PHTF2: variants seen among roughly 807,000 people sequenced by gnomAD.
The protein encoded by PHTF2 is putative homeodomain transcription factor 2.
Under a neutral mutation model 101.2 loss-of-function variants are expected in PHTF2, and 60 were observed. The ratio of observed to expected loss-of-function variants is 0.59; its 90% CI spans 0.48 to 0.73. PHTF2 has a LOEUF of 0.73. Ranked by LOEUF, PHTF2 falls within the 30% of genes least tolerant of loss-of-function variation. The pLI, the probability that PHTF2 is intolerant of heterozygous loss-of-function variation, is 0.00. For synonymous variants in PHTF2, 311 were observed against 307.3 expected (o/e 1.01, Z -0.13); for missense variants, 747 against 908.7 (o/e 0.82, Z 2.29).
At chr7:77,892,063 G>C (rs377735782) in intron 3 of PHTF2, among the ~76,000 whole-genome samples, 1 of 152,198 alleles carries the variant, frequency 6.6e-6, no homozygotes. Flanking sequence ...GGATCACGAG[G>C]TCAGGAGATC....
chr7:77,905,903 A>G (rs891734542), intron 7 of PHTF2, among the ~76,000 whole-genome samples: 5 of 152,246 alleles, frequency 3.3e-5, no homozygotes, highest in African/African-American at 1.2e-4. Flanking sequence ...CTCTAGCAGC[A>G]CTGTCTAGTT....
intron 12 of PHTF2, among the ~76,000 whole-genome samples, chr7:77,929,947 ATT>A (rs761290166): frequency 4.9e-5 from 6 of 122,134 alleles, no homozygotes; most frequent in Admixed American, 8.4e-5. Flanking sequence ...GACTAGCCAC[ATT>A]TTTTTTTTTT....
intron 3 of PHTF2, among the ~76,000 whole-genome samples, chr7:77,870,759 A>G (rs1257135843): frequency 6.6e-6 from 1 of 152,210 alleles, no homozygotes; most frequent in Non-Finnish European, 1.5e-5. Context: ...GAGATCATAT[A>G]TAATCTTCAA....
At chr7:77,836,246 G>A (rs539498083) in intron 1 of PHTF2, among the ~76,000 whole-genome samples, 1 of 152,106 alleles carries the variant, frequency 6.6e-6, no homozygotes, top group Non-Finnish European at 1.5e-5. Context: ...TGAAGAAGAG[G>A]AGGGGTTGGT....
intron 12 of PHTF2, 32 bp downstream of exon 11, chr7:77,929,359 A>G: frequency 9.3e-7 from 1 of 1,076,558 alleles, no homozygotes; most frequent in Non-Finnish European, 1.4e-6. Context: ...ATGTGGAGCT[A>G]TGAGTCAAGC....
At chr7:77,951,164 A>G (rs1355312437) in intron 17 of PHTF2, among the ~76,000 whole-genome samples, 1 of 152,190 alleles carries the variant, frequency 6.6e-6, no homozygotes, top group Non-Finnish European at 1.5e-5. Flanking sequence ...TAAAACAACA[A>G]GGCATTGTGA....
chr7:77,856,359 A>G lies in PHTF2; in HGVS notation c.147+1525A>G, dbSNP rs944031299. 3.3e-5 allele frequency among the ~76,000 whole-genome samples: 5 copies of G among 152,014 alleles called. No homozygotes were observed. In the East Asian group the frequency reaches 7.7e-4, roughly 23 times the overall value. On this transcript the variant is annotated intron_variant, in intron 3 of 19. Transcript: ENST00000416283. ...AATTTTTAAAAATTTTTACTTATTTATTTATTTATTTTTAGAGACAGTGCC... is the reference window on the plus strand; with the variant it reads ...AATTTTTAAAAATTTTTACTTATTTGTTTATTTATTTTTAGAGACAGTGCC...
At chr7:77,801,186 A>G (rs1584327641) in intron 1 of PHTF2, among the ~76,000 whole-genome samples, 1 of 152,238 alleles carries the variant, frequency 6.6e-6, no homozygotes, top group East Asian at 1.9e-4. Context: ...ACGATAATAC[A>G]ATATATACAG....
chr7:77,844,708 A>G (rs564077910), intron 2 of PHTF2, among the ~76,000 whole-genome samples: 2 of 152,100 alleles, frequency 1.3e-5, no homozygotes, highest in Middle Eastern at 3.4e-3. Context: ...TATTTTTAGT[A>G]GTGATGAGGT....
At chr7:77,884,841 G>T (rs1799693090) in intron 3 of PHTF2, among the ~76,000 whole-genome samples, 2 of 152,216 alleles carry the variant, frequency 1.3e-5, no homozygotes, top group Admixed American at 1.3e-4. Context: ...AGAGATTGCA[G>T]TGAGCCAAGA....
intron 9 of PHTF2, among the ~76,000 whole-genome samples, chr7:77,916,672 C>A (rs1308780655): frequency 2.0e-5 from 3 of 152,112 alleles, no homozygotes; most frequent in Admixed American, 2.0e-4. Flanking sequence ...ATACCAACCT[C>A]TGAGGATGCT....
rs34210135 is a variant in PHTF2 at position 77,941,563 on chromosome 7, G to A, written c.1872+904G>A. On this transcript the variant is annotated intron_variant, in intron 15 of 19. Coordinates refer to ENST00000416283, the Ensembl canonical transcript of PHTF2. ...GAGATGAAAGCCCCTACCCTCATAC[G>A]TAAGCTTATACTTCAGTGAGGGAAT... Among the ~76,000 whole-genome samples, 680 of 152,238 alleles carry A rather than the reference G, an allele frequency of 4.5e-3. 4 individuals carry two copies. The highest frequency in any genetic ancestry group is 6.6e-3 in the Non-Finnish European group (448 of 68,014).
At chr7:77,859,865 A>G (rs1397752037) in intron 3 of PHTF2, among the ~76,000 whole-genome samples, 4 of 152,194 alleles carry the variant, frequency 2.6e-5, no homozygotes, top group South Asian at 2.1e-4. Context: ...GTGAGCCACC[A>G]TGCCTGGTAC....
intron 3 of PHTF2, among the ~76,000 whole-genome samples, chr7:77,873,836 C>T (rs913586716): frequency 3.9e-5 from 6 of 152,150 alleles, no homozygotes; most frequent in Non-Finnish European, 8.8e-5. Flanking sequence ...AGACACCTGG[C>T]GACGCTGTGC....
intron 8 of PHTF2, 180 bp downstream of exon 7, chr7:77,909,138 A>G (rs1385722314): frequency 4.2e-6 from 2 of 472,288 alleles, no homozygotes; most frequent in East Asian, 3.4e-5. Flanking sequence ...CTTCAAGGCC[A>G]TTTTAAGACC....
At chr7:77,837,541 A>G (rs186155851) in intron 1 of PHTF2, among the ~76,000 whole-genome samples, 3 of 152,230 alleles carry the variant, frequency 2.0e-5, no homozygotes, top group Admixed American at 2.0e-4. Flanking sequence ...AAAAACTATT[A>G]AATGAGTTTG....
intron 3 of PHTF2, among the ~76,000 whole-genome samples, chr7:77,891,503 A>C (rs12536543): frequency 0.023 from 3,358 of 143,686 alleles, 52 homozygotes; most frequent in Middle Eastern, 0.071. Context: ...TTAGTTACAT[A>C]TAAGTATGTT....
chr7:77,925,528 A>C (rs1224146578), intron 11 of PHTF2, among the ~76,000 whole-genome samples: 1 of 56,782 alleles, frequency 1.8e-5, no homozygotes, highest in African/African-American at 9.6e-5. Flanking sequence ...TTTTTTTTTG[A>C]GACAGAGTTT....
exon 20 of PHTF2, chr7:77,955,938 T>C (rs574320546): frequency 6.6e-6 from 1 of 152,504 alleles, no homozygotes; most frequent in Non-Finnish European, 1.5e-5. Context: ...TGGTGCATTC[T>C]CCCCACCCCA....
Sources: allele counts gnomAD v4.1 joint callset (sites outside exome capture counted in the v4.1 genomes callset), GRCh38; gene constraint gnomAD v4.1.1; transcripts MANE v1.5; gene names NCBI Gene and HGNC (gene_info 2026-07-23, HGNC 2026-07-21).